Variants in SNTG2 observed in about 807,000 individuals in gnomAD.
The protein encoded by SNTG2 is gamma-2-syntrophin.
A neutral mutation model predicts 70.9 loss-of-function variants in SNTG2; 74 were observed. The ratio of observed to expected loss-of-function variants is 1.04; its 90% CI spans 0.86 to 1.27. SNTG2 has a LOEUF of 1.27. SNTG2 is among the 50% of genes most tolerant of loss of function. The pLI is 0.00. For synonymous variants in SNTG2, 278 were observed against 273.8 expected (o/e 1.02, Z -0.15); for missense variants, 717 against 690.7 (o/e 1.04, Z -0.43).
intron 6 of SNTG2, among the ~76,000 whole-genome samples, chr2:1,139,300 G>A (rs947282449): frequency 6.6e-6 from 1 of 152,060 alleles, no homozygotes; most frequent in African/African-American, 2.4e-5. Flanking sequence ...GCATAATCTC[G>A]GCTCACCGTA....
intron 14 of SNTG2, among the ~76,000 whole-genome samples, chr2:1,278,296 A>G (rs1679351423): frequency 2.0e-5 from 3 of 152,184 alleles, no homozygotes; most frequent in Admixed American, 1.3e-4. Flanking sequence ...TTACCTGACC[A>G]TGTCAGTTAC....
At chr2:1,166,127 T>C (rs988190843) in intron 7 of SNTG2, among the ~76,000 whole-genome samples, 1 of 152,144 alleles carries the variant, frequency 6.6e-6, no homozygotes, top group Non-Finnish European at 1.5e-5. Context: ...TCTAGAAAAA[T>C]GTTTTAGTGA....
At chr2:1,060,464 G>C (rs905920802) in intron 1 of SNTG2, among the ~76,000 whole-genome samples, 5 of 152,180 alleles carry the variant, frequency 3.3e-5, no homozygotes, top group African/African-American at 7.2e-5. Flanking sequence ...ACACCCTCTA[G>C]CATGAGAACC....
In SNTG2 at chr2:1,308,415, G is replaced by A; in HGVS notation, c.1285-79G>A. ...ATTTTATAATTTTTGACCAAAGGGGGGTTAATATGGAGACTACCTAATTAA... is the reference window on the plus strand; with the variant it reads ...ATTTTATAATTTTTGACCAAAGGGGAGTTAATATGGAGACTACCTAATTAA... On this transcript the variant is annotated intron_variant, in intron 14 of 16. Transcript: ENST00000308624. 4 of 1,283,804 alleles carry A rather than the reference G, an allele frequency of 3.1e-6. No homozygotes were observed. In the South Asian group the frequency reaches 3.9e-5, roughly 13 times the overall value. The allele number at this position is 1,283,804 out of a possible 1,614,324, so 79.5% of individuals were successfully genotyped here.
At chr2:1,194,514 AT>A (rs35228295) in intron 8 of SNTG2, among the ~76,000 whole-genome samples, 68,877 of 151,878 alleles carry the variant, frequency 0.45, 15,828 homozygotes, top group East Asian at 0.54. Context: ...ACGTTGGTTG[AT>A]TCTTCCTGGC....
At chr2:1,140,649 T>TA (rs1668687964) in intron 6 of SNTG2, among the ~76,000 whole-genome samples, 1 of 152,270 alleles carries the variant, frequency 6.6e-6, no homozygotes, top group Non-Finnish European at 1.5e-5. Context: ...GCTGGTGTGT[T>TA]CTGCCTGTAA....
intron 1 of SNTG2, among the ~76,000 whole-genome samples, chr2:980,218 TAC>T (rs1435491505): frequency 6.6e-6 from 1 of 152,198 alleles, no homozygotes; most frequent in Non-Finnish European, 1.5e-5. Context: ...AGTTGTATGT[TAC>T]AGTTACATGT....
intron 14 of SNTG2, among the ~76,000 whole-genome samples, chr2:1,303,973 C>CA (rs34817095): frequency 0.022 from 3,384 of 152,272 alleles, 56 homozygotes; most frequent in East Asian, 0.049. Flanking sequence ...TAAAAACTTT[C>CA]AAAATGAAAT....
At chr2:1,335,052 C>G (rs1019708904) in intron 16 of SNTG2, among the ~76,000 whole-genome samples, 9 of 152,190 alleles carry the variant, frequency 5.9e-5, no homozygotes, top group African/African-American at 2.2e-4. Context: ...TAATCTTATC[C>G]CACTAATTGC....
intron 8 of SNTG2, among the ~76,000 whole-genome samples, chr2:1,204,973 T>A (rs1673533985): frequency 3.3e-5 from 5 of 152,346 alleles, no homozygotes; most frequent in Admixed American, 3.3e-4. Flanking sequence ...CTTGTATGTC[T>A]TTAAAAATTA....
chr2:1,127,021 A>G (rs555492010), intron 4 of SNTG2, among the ~76,000 whole-genome samples: 173 of 141,902 alleles, frequency 1.2e-3, no homozygotes, highest in African/African-American at 4.3e-3. Context: ...GAGGTTTTAT[A>G]CAATTTTTTC....
chr2:1,043,158 A>G lies in SNTG2; in HGVS notation c.73-40360A>G, dbSNP rs558115121. Among the ~76,000 whole-genome samples, 6 of 152,274 alleles carry G rather than the reference A, an allele frequency of 3.9e-5. No homozygotes were observed. In the East Asian group the frequency reaches 9.7e-4, roughly 24 times the overall value. Reference sequence around the variant, plus strand: ...ATTGTTTCATATGCTTGTTGGCCACATATACGTCTTTTTTTGAGAAGTGCC... The same window carrying G: ...ATTGTTTCATATGCTTGTTGGCCACGTATACGTCTTTTTTTGAGAAGTGCC... On this transcript the variant is annotated intron_variant, in intron 1 of 16. Coordinates refer to ENST00000308624, the MANE Select transcript of SNTG2 (RefSeq NM_018968.4).
chr2:1,232,263 G>A (rs1248185532), intron 9 of SNTG2, among the ~76,000 whole-genome samples: 1 of 152,112 alleles, frequency 6.6e-6, no homozygotes, highest in Non-Finnish European at 1.5e-5. Context: ...TCTTTGTCTC[G>A]AGTGAACACT....
chr2:1,144,579 T>A (rs924975598), intron 6 of SNTG2, among the ~76,000 whole-genome samples: 5 of 152,162 alleles, frequency 3.3e-5, no homozygotes, highest in Non-Finnish European at 7.3e-5. Context: ...GCTTAATAGA[T>A]TCACACTTCT....
intron 1 of SNTG2, among the ~76,000 whole-genome samples, chr2:1,075,921 T>C (rs4443028): frequency 0.82 from 124,458 of 152,242 alleles, 50,929 homozygotes; most frequent in Admixed American, 0.89. Flanking sequence ...CATTTGCGTG[T>C]CTGAATAAAG....
chr2:1,312,516 C>T (rs922384217), intron 15 of SNTG2, among the ~76,000 whole-genome samples: 3 of 152,302 alleles, frequency 2.0e-5, no homozygotes, highest in Admixed American at 6.5e-5. Context: ...GGAGGGGTGC[C>T]GCCTGAGTCC....
intron 9 of SNTG2, among the ~76,000 whole-genome samples, chr2:1,220,247 G>A (rs570549711): frequency 6.6e-6 from 1 of 152,372 alleles, no homozygotes; most frequent in African/African-American, 2.4e-5. Context: ...GTGGTTCTAG[G>A]AAGGGCCAGG....
chr2:1,269,751 A>G (rs1284656628), intron 14 of SNTG2, among the ~76,000 whole-genome samples: 5 of 152,232 alleles, frequency 3.3e-5, no homozygotes, highest in Non-Finnish European at 7.3e-5. Context: ...GCAGGCAGCA[A>G]TGTGCCCAGG....
intron 7 of SNTG2, among the ~76,000 whole-genome samples, chr2:1,169,090 G>A (rs34479499): frequency 0.034 from 5,169 of 152,146 alleles, 280 homozygotes; most frequent in African/African-American, 0.12. Context: ...GATGGGGGAG[G>A]AGGACTCACT....
Sources: allele counts gnomAD v4.1 joint callset (sites outside exome capture counted in the v4.1 genomes callset), GRCh38; gene constraint gnomAD v4.1.1; transcripts MANE v1.5; gene names NCBI Gene and HGNC (gene_info 2026-07-23, HGNC 2026-07-21).